The following SLC4A11 variants were observed in gnomAD, a reference collection of about 807,000 sequenced individuals.
SLC4A11 encodes solute carrier family 4 member 11.
Under a neutral mutation model 95.0 loss-of-function variants are expected in SLC4A11, and 74 were observed. The ratio of observed to expected loss-of-function variants is 0.78; its 90% CI spans 0.65 to 0.95. SLC4A11 has a LOEUF of 0.95. Ranked by LOEUF, SLC4A11 falls within the 40% of genes least tolerant of loss-of-function variation. The pLI is 0.00. For synonymous variants in SLC4A11, 548 were observed against 519.0 expected (o/e 1.06, Z -0.76); for missense variants, 1,081 against 1,192.4 (o/e 0.91, Z 1.38).
Position 3,231,021 on chromosome 20 carries a change from G to GATGTATTTGCCCACAGCC in SLC4A11, c.1062_1079dup (p.Tyr359_Ile360insMetAlaValGlyLysTyr). 1.2e-6 allele frequency: 2 copies of GATGTATTTGCCCACAGCC among 1,614,062 alleles called. No homozygotes were observed. The highest frequency in any genetic ancestry group is 2.2e-5 in the South Asian group (2 of 91,084). On this transcript the variant is annotated inframe_insertion, in exon 10 of 20. Transcript: ENST00000642402. This position sits in a 1 kb window ranked among gnomAD's most constrained non-coding sequence, Gnocchi z 5.2. Reference sequence around the variant, plus strand: ...CGAAGTAGAGGAACAGGGTGGTGGTGATGTATTTGCCCACAGCCTTGTTTT... The same window carrying GATGTATTTGCCCACAGCC: ...CGAAGTAGAGGAACAGGGTGGTGGTGATGTATTTGCCCACAGCCATGTATTTGCCCACAGCCTTGTTTT...
chr20:3,234,382 C>T lies in SLC4A11; in HGVS notation c.292-68G>A. 6.5e-7 allele frequency: 1 copy of T among 1,540,974 alleles called. No homozygotes were observed. The highest frequency in any genetic ancestry group is 1.7e-5 in the Admixed American group (1 of 58,030). ...AGATGCTGTCACTGCCTGGTCCCTC[C>T]CTCCCAGCCAGCCGCAGCAGTCCAG... On this transcript the variant is annotated intron_variant, in intron 4 of 19. Transcript: ENST00000642402. The surrounding 1 kb of genome is among the most constrained non-coding windows in gnomAD (Gnocchi z 5.8).
Position 3,231,262 on chromosome 20 carries a change from G to T in SLC4A11, c.949-20C>A, listed in dbSNP as rs770726026. On this transcript the variant is annotated intron_variant, in intron 8 of 19. Coordinates refer to ENST00000642402, the MANE Select transcript of SLC4A11 (RefSeq NM_001174089.2). The surrounding 1 kb of genome is among the most constrained non-coding windows in gnomAD (Gnocchi z 5.2). ...TGGGGGCTGGAGGAGAGGACAGAGC[G>T]CCTGTTAGCCCTGTCCGGCCCATGC... 1 of 1,613,316 alleles carries T rather than the reference G, an allele frequency of 6.2e-7. No individual in the cohort carries two copies. The highest frequency in any genetic ancestry group is 8.5e-7 in the Non-Finnish European group (1 of 1,179,722).
chr20:3,230,065 C>A, intron 13 of SLC4A11, 122 bp downstream of exon 13: 4 of 1,283,134 alleles, frequency 3.1e-6, no homozygotes, highest in Non-Finnish European at 4.5e-6. Context: ...GAGCACCGCA[C>A]CCTTGATCAC....
chr20:3,229,049 C>A, intron 16 of SLC4A11, 38 bp from the exon 17 acceptor site: 1 of 1,584,200 alleles, frequency 6.3e-7, no homozygotes, highest in South Asian at 1.1e-5. Context: ...AGCCCCACAG[C>A]AGAGGCCCGG....
chr20:3,230,568 G>A lies in SLC4A11; in HGVS notation c.1362C>T (p.Phe454=), dbSNP rs536249033. The A allele has an allele frequency of 6.2e-7, 1 of 1,613,916 alleles. No individual in the cohort carries two copies. The highest frequency in any genetic ancestry group is 2.2e-5 in the East Asian group (1 of 44,876). ...GGTTGAAAAAGGCATAAAGCGCAAG[G>A]AAGAAACTATTCCACAGGCCCGTCC... is the stretch of plus-strand genomic sequence containing the variant. ...YAWTGLWNSF[F]LALYAFFNLS... Residue 454 remains phenylalanine, a synonymous_variant, in exon 12 of 20, where the codon TTC becomes TTT. Coordinates refer to ENST00000642402, the MANE Select transcript of SLC4A11 (RefSeq NM_001174089.2).
In SLC4A11 at chr20:3,230,425, T is replaced by TG. The variant is rs2067717969; in HGVS notation, c.1415+89dup. The TG allele has an allele frequency of 3.0e-5, 48 of 1,601,650 alleles. No homozygotes were observed. In the South Asian group the frequency reaches 3.3e-4, roughly 11 times the overall value. On this transcript the variant is annotated intron_variant, in intron 12 of 19. Transcript: ENST00000642402. ...CCAGCCCCTTGGGGCAGCAATATGGTGGGGGCACCCCCACCACCCTGGGGT... is the reference window on the plus strand; with the variant it reads ...CCAGCCCCTTGGGGCAGCAATATGGTGGGGGGCACCCCCACCACCCTGGGGT...
rs762214716 is a variant in SLC4A11 at position 3,231,235 on chromosome 20, T to C, written c.956A>G (p.Lys319Arg). The part of the protein sequence containing the change: ...LPAHRHPEPP[K>R]CKDFVPFGKG... Reference sequence around the variant, plus strand: ...CCCAAAAGGGACAAAGTCCTTGCACTTTGGGGGCTGGAGGAGAGGACAGAG... The same window carrying C: ...CCCAAAAGGGACAAAGTCCTTGCACCTTGGGGGCTGGAGGAGAGGACAGAG... The change falls in exon 9 of 20, where the codon AAG (lysine) becomes AGG (arginine). Residue 319 changes from lysine to arginine, a missense_variant. Physicochemically the swap from Lys to Arg is conservative, Grantham distance 26. Around this residue, in one of 3 missense-constraint regions of SLC4A11, gnomAD observed 767 missense variants for 858.0 expected, o/e 0.89. Coordinates refer to ENST00000642402, the MANE Select transcript of SLC4A11 (RefSeq NM_001174089.2). The surrounding 1 kb of genome is among the most constrained non-coding windows in gnomAD (Gnocchi z 5.2). The C allele has an allele frequency of 5.0e-6, 8 of 1,613,958 alleles. No individual in the cohort carries two copies. The highest frequency in any genetic ancestry group is 1.1e-5 in the South Asian group (1 of 91,084).
chr20:3,229,671 A>G lies in SLC4A11; in HGVS notation c.1595T>C (p.Leu532Pro). 1 of 1,613,862 alleles carries G rather than the reference A, an allele frequency of 6.2e-7. No individual in the cohort carries two copies. The highest frequency in any genetic ancestry group is 1.1e-5 in the South Asian group (1 of 91,086). The change falls in exon 14 of 20, where the codon CTC (leucine) becomes CCC (proline). Residue 532 changes from leucine to proline, a missense_variant. This residue lies in a region of SLC4A11 where 767 missense variants were observed against 858.0 expected (regional missense o/e 0.89). Transcript: ENST00000642402. Reference sequence around the variant, plus strand: ...GAAGCTGGCGTTGAGGGCAGTGTGGAGGCTGGCGTTGAGGCTGGCGCCGAG... The same window carrying G: ...GAAGCTGGCGTTGAGGGCAGTGTGGGGGCTGGCGTTGAGGCTGGCGCCGAG... ...SGLGASLNAS[L>P]HTALNASFLA...
chr20:3,227,696 A>G lies in SLC4A11; in HGVS notation c.*91T>C. 7.2e-7 allele frequency: 1 copy of G among 1,385,212 alleles called. No homozygotes were observed. The highest frequency in any genetic ancestry group is 2.3e-5 in the East Asian group (1 of 42,762). 85.8% of individuals were successfully genotyped at this position (1,385,212 alleles called of 1,614,324 possible). On this transcript the variant is annotated 3_prime_UTR_variant, in exon 20 of 20. Transcript: ENST00000642402. Reference sequence around the variant, plus strand: ...TGAGAAGGCGCAGCACAGAGCAGTCACCCACACACCTACACCTCCCCTCAC... The same window carrying G: ...TGAGAAGGCGCAGCACAGAGCAGTCGCCCACACACCTACACCTCCCCTCAC...
At chr20:3,238,978 A>G in intron 1 of SLC4A11, 117 bp downstream of exon 1, 2 of 1,309,922 alleles carry the variant, frequency 1.5e-6, no homozygotes, top group Non-Finnish European at 9.7e-7. Context: ...CCTCTCGCCC[A>G]CCGGCCCCGG....
Position 3,231,564 on chromosome 20 carries a change from G to A in SLC4A11, c.730-16C>T, listed in dbSNP as rs376436860. On this transcript the variant is annotated splice_polypyrimidine_tract_variant and intron_variant, in intron 7 of 19. Transcript: ENST00000642402. This position sits in a 1 kb window ranked among gnomAD's most constrained non-coding sequence, Gnocchi z 5.2. ...TAGTGCTTTTCTAGGGGTGGAGGAT[G>A]GGAGTCACCCCTAGAAACAGAGGAG... 6.2e-7 allele frequency: 1 copy of A among 1,601,694 alleles called. No individual in the cohort carries two copies. The highest frequency in any genetic ancestry group is 8.5e-7 in the Non-Finnish European group (1 of 1,175,842).
At chr20:3,237,868 C>T (rs758549537) in intron 1 of SLC4A11, 1 of 1,551,348 alleles carries the variant, frequency 6.4e-7, no homozygotes, top group South Asian at 1.2e-5. Context: ...CCAGGGATGT[C>T]TTCCCACCGA....
chr20:3,239,254 C>T (rs970162986), upstream of SLC4A11: 47 of 1,264,558 alleles, frequency 3.7e-5, no homozygotes, highest in African/African-American at 6.8e-4. Flanking sequence ...CCCCACGCCG[C>T]GCCTGGGTCC....
At position 3,229,416 on chromosome 20, in the gene SLC4A11, G is replaced by C; in HGVS notation, c.1779C>G (p.Ser593=). Reference sequence around the variant, plus strand: ...GCACCGCGATGGGCAGGGCGCAGTCGGACAGGATCTCTCGCACGCAGGGGT... The same window carrying C: ...GCACCGCGATGGGCAGGGCGCAGTCCGACAGGATCTCTCGCACGCAGGGGT... The part of the protein sequence containing the change: ...YLHPCVREIL[S]DCALPIAVLA... The change falls in exon 15 of 20, where the codon TCC becomes TCG. Residue 593 remains serine, a synonymous_variant. Coordinates refer to ENST00000642402, the MANE Select transcript of SLC4A11 (RefSeq NM_001174089.2). 1 of 1,613,322 alleles carries C rather than the reference G, an allele frequency of 6.2e-7. No individual in the cohort carries two copies. The highest frequency in any genetic ancestry group is 8.5e-7 in the Non-Finnish European group (1 of 1,180,010).
Position 3,231,502 on chromosome 20 carries a change from A to G in SLC4A11, c.776T>C (p.Met259Thr). 1 of 1,614,002 alleles carries G rather than the reference A, an allele frequency of 6.2e-7. No individual in the cohort carries two copies. Among genetic ancestry groups the G allele is most frequent in the East Asian group, 2.2e-5 (1 of 44,854 alleles). Reference protein sequence around the residue: ...AMEVARTFATMFSDIAFRQKL... With the variant: ...AMEVARTFATTFSDIAFRQKL... ...CTGGCGGAAGGCGATATCCGAGAACATGGTGGCAAACGTGCGCGCCACCTC... is the reference window on the plus strand; with the variant it reads ...CTGGCGGAAGGCGATATCCGAGAACGTGGTGGCAAACGTGCGCGCCACCTC... Residue 259 changes from methionine (M) to threonine (T), a missense_variant, in exon 8 of 20, where the codon ATG (methionine) becomes ACG (threonine). By Grantham distance (81) the Met-to-Thr change is moderately conservative (BLOSUM62 -1). This residue lies in a region of SLC4A11 where 767 missense variants were observed against 858.0 expected (regional missense o/e 0.89). Coordinates refer to ENST00000642402, the MANE Select transcript of SLC4A11 (RefSeq NM_001174089.2). This position sits in a 1 kb window ranked among gnomAD's most constrained non-coding sequence, Gnocchi z 5.2.
chr20:3,238,554 C>A (rs1210066736), intron 1 of SLC4A11: 2 of 991,144 alleles, frequency 2.0e-6, no homozygotes, highest in Non-Finnish European at 2.4e-6. Context: ...AAACCTGGGT[C>A]CTGGCGGGGA....
chr20:3,232,779 TGAG>T (rs984009116), intron 7 of SLC4A11, among the ~76,000 whole-genome samples: 9 of 152,192 alleles, frequency 5.9e-5, no homozygotes, highest in African/African-American at 1.4e-4. Flanking sequence ...TCCATGCTCC[TGAG>T]GAGGAGCCCA....
chr20:3,239,531 C>A (rs1321728981), upstream of SLC4A11: 4 of 991,560 alleles, frequency 4.0e-6, no homozygotes, highest in African/African-American at 6.9e-5. Flanking sequence ...GCCACGAGCC[C>A]ACCGAGCTGT....
At chr20:3,227,917 T>TACCCCCCCCCC in intron 19 of SLC4A11, 61 bp from the exon 20 acceptor site, 1 of 1,488,446 alleles carries the variant, frequency 6.7e-7, no homozygotes. Flanking sequence ...TGGACACCCA[T>TACCCCCCCCCC]CCCAGCCCAC....
Sources: allele counts gnomAD v4.1 joint callset (sites outside exome capture counted in the v4.1 genomes callset), GRCh38; gene constraint gnomAD v4.1.1; regional missense constraint gnomAD v4.1.1; non-coding constraint Gnocchi (gnomAD v3.1); transcripts MANE v1.5; gene names NCBI Gene and HGNC (gene_info 2026-07-23, HGNC 2026-07-21).